Variants in SH3PXD2A observed in about 807,000 individuals in gnomAD.
The protein encoded by SH3PXD2A is SH3 and PX domains 2A.
A neutral mutation model predicts 115.2 loss-of-function variants in SH3PXD2A; 32 were observed. The ratio of observed to expected loss-of-function variants is 0.28; its 90% CI spans 0.21 to 0.37. The LOEUF (loss-of-function observed/expected upper bound fraction) is 0.37. SH3PXD2A is among the 10% of genes least tolerant of loss of function. The probability of loss-of-function intolerance (pLI) is 1.00; values close to 1 mark genes in which losing one functional copy is unlikely to be tolerated. For synonymous variants in SH3PXD2A, 610 were observed against 629.1 expected (o/e 0.97, Z 0.45); for missense variants, 1,328 against 1,498.7 (o/e 0.89, Z 1.88).
At position 103,666,045 on chromosome 10, in the gene SH3PXD2A, C is replaced by G. The variant is rs1408407375; in HGVS notation, c.472+2563G>C. 6.6e-6 allele frequency among the ~76,000 whole-genome samples: 1 copy of G among 152,130 alleles called. No homozygotes were observed. Among genetic ancestry groups the G allele is most frequent in the African/African-American group, 2.4e-5 (1 of 41,432 alleles). On this transcript the variant is annotated intron_variant, in intron 7 of 14. Transcript: ENST00000369774. This position sits in a 1 kb window ranked among gnomAD's most constrained non-coding sequence, Gnocchi z 4.5. The stretch of plus-strand genomic sequence containing the variant: ...TCCTTCAACTACCACCTGGATGGAA[C>G]CCTGGCTGCCAACTTAAACTTCTCA...
In SH3PXD2A at chr10:103,823,911, C is replaced by T. The variant is rs572557460; in HGVS notation, c.73-22549G>A. 9.2e-5 allele frequency among the ~76,000 whole-genome samples: 14 copies of T among 152,244 alleles called. No homozygotes were observed. The East Asian group carries it at 1.9e-3, about 21-fold the overall frequency. On this transcript the variant is annotated intron_variant, in intron 1 of 14. Transcript: ENST00000369774. ...GCCAGGCCAGTCAGCGTGTCAAGGC[C>T]GCACTCACTCCTGCAGAACAATGAA...
chr10:103,794,410 C>T (rs1449308954), intron 2 of SH3PXD2A, among the ~76,000 whole-genome samples: 1 of 152,180 alleles, frequency 6.6e-6, no homozygotes, highest in African/African-American at 2.4e-5. Flanking sequence ...ATGGTGGAGT[C>T]GGTGTTTGCA....
intron 6 of SH3PXD2A, among the ~76,000 whole-genome samples, chr10:103,690,283 A>G (rs2037734022): frequency 1.3e-5 from 2 of 152,228 alleles, no homozygotes; most frequent in African/African-American, 2.4e-5. Flanking sequence ...ATGCTTACAT[A>G]TATTAGTTTA....
chr10:103,769,446 CTTCT>C (rs2038795867), intron 2 of SH3PXD2A, among the ~76,000 whole-genome samples: 3 of 140,052 alleles, frequency 2.1e-5, no homozygotes, highest in African/African-American at 5.8e-5. Context: ...TCTTCTTCTT[CTTCT>C]TTTTTTTTTT....
chr10:103,650,306 A>G (rs1438685951), intron 8 of SH3PXD2A, among the ~76,000 whole-genome samples: 3 of 152,188 alleles, frequency 2.0e-5, no homozygotes, highest in South Asian at 4.2e-4. Context: ...CCAGCAGCCC[A>G]CAGATGTGCC....
intron 6 of SH3PXD2A, among the ~76,000 whole-genome samples, chr10:103,692,565 C>T (rs890517330): frequency 3.9e-5 from 6 of 152,254 alleles, no homozygotes; most frequent in South Asian, 4.1e-4. Flanking sequence ...AGTCCCGGTT[C>T]TCAATTTCAC....
At chr10:103,728,902 T>TTTG (rs1327380732) in intron 4 of SH3PXD2A, among the ~76,000 whole-genome samples, 3 of 150,494 alleles carry the variant, frequency 2.0e-5, no homozygotes, top group African/African-American at 7.4e-5. Flanking sequence ...TGTTTGTTTT[T>TTTG]TTTTTTTTGA....
intron 8 of SH3PXD2A, among the ~76,000 whole-genome samples, chr10:103,651,659 C>T (rs1004120544): frequency 2.6e-4 from 40 of 152,352 alleles, no homozygotes; most frequent in African/African-American, 8.4e-4. Flanking sequence ...TGCCAACATC[C>T]ATCCTGCCTC....
intron 5 of SH3PXD2A, among the ~76,000 whole-genome samples, chr10:103,702,418 G>A (rs576837483): frequency 6.6e-6 from 1 of 152,322 alleles, no homozygotes; most frequent in African/African-American, 2.4e-5. Flanking sequence ...TCCAGGACAG[G>A]GAGATCAGAG....
At chr10:103,774,741 G>A (rs1034827299) in intron 2 of SH3PXD2A, among the ~76,000 whole-genome samples, 1 of 152,146 alleles carries the variant, frequency 6.6e-6, no homozygotes, top group African/African-American at 2.4e-5. Context: ...TCTTAGGGGG[G>A]ATCTATGGAA....
At chr10:103,664,349 T>G (rs559997388) in intron 7 of SH3PXD2A, among the ~76,000 whole-genome samples, 6 of 152,332 alleles carry the variant, frequency 3.9e-5, no homozygotes, top group Non-Finnish European at 4.4e-5. Context: ...CCTTCATCAG[T>G]GCTGACTTGG....
intron 6 of SH3PXD2A, among the ~76,000 whole-genome samples, chr10:103,691,449 C>G (rs928793798): frequency 1.3e-5 from 2 of 152,122 alleles, no homozygotes; most frequent in Non-Finnish European, 2.9e-5. Flanking sequence ...GTCTGAGGCC[C>G]AGGGCAAGCT....
At chr10:103,823,126 T>C (rs899687734) in intron 1 of SH3PXD2A, among the ~76,000 whole-genome samples, 11 of 152,226 alleles carry the variant, frequency 7.2e-5, no homozygotes, top group African/African-American at 2.7e-4. Context: ...TGTCAAGTTA[T>C]ATGTTCAAAG....
intron 2 of SH3PXD2A, among the ~76,000 whole-genome samples, chr10:103,778,206 G>A (rs1309989047): frequency 6.6e-6 from 1 of 152,194 alleles, no homozygotes; most frequent in Admixed American, 6.5e-5. Flanking sequence ...GGTGGCGGAT[G>A]CCTGTAGTCC....
At chr10:103,800,202 T>A (rs1279663675) in intron 2 of SH3PXD2A, among the ~76,000 whole-genome samples, 3 of 152,124 alleles carry the variant, frequency 2.0e-5, no homozygotes, top group Admixed American at 6.6e-5. Flanking sequence ...CAACTCACAC[T>A]GATTCTCCCT....
intron 8 of SH3PXD2A, among the ~76,000 whole-genome samples, chr10:103,639,934 AC>A (rs2036928828): frequency 1.3e-5 from 2 of 152,186 alleles, no homozygotes; most frequent in South Asian, 2.1e-4. Flanking sequence ...CAAGACACTT[AC>A]ATTCTCAGAG....
intron 6 of SH3PXD2A, among the ~76,000 whole-genome samples, chr10:103,682,128 G>A (rs1039789688): frequency 6.6e-6 from 1 of 152,236 alleles, no homozygotes; most frequent in Non-Finnish European, 1.5e-5. Context: ...TGTGCAAGCA[G>A]GGCTGAGGGA....
intron 2 of SH3PXD2A, among the ~76,000 whole-genome samples, chr10:103,796,138 T>A (rs1031231416): frequency 3.3e-5 from 5 of 151,912 alleles, no homozygotes; most frequent in African/African-American, 1.2e-4. Flanking sequence ...GGCGGAAGGA[T>A]ACTTGAGCCC....
chr10:103,743,019 G>A (rs1181666107), intron 3 of SH3PXD2A, among the ~76,000 whole-genome samples: 3 of 152,152 alleles, frequency 2.0e-5, no homozygotes, highest in Non-Finnish European at 4.4e-5. Flanking sequence ...GAGGAAGGAG[G>A]AGAAGTTAAG....
Sources: gnomAD v4.1 joint callset for allele counts (sites outside exome capture counted in the v4.1 genomes callset) on GRCh38, gnomAD v4.1.1 for gene constraint, Gnocchi (gnomAD v3.1) non-coding constraint, MANE v1.5 for transcripts, NCBI Gene and HGNC (gene_info 2026-07-23, HGNC 2026-07-21) for gene names.